Variants in POLN observed in about 807,000 individuals in gnomAD.
The protein encoded by POLN is DNA polymerase N.
In POLN, 108 loss-of-function variants were observed where a neutral mutation model predicts 113.5. The ratio of observed to expected loss-of-function variants is 0.95; its 90% CI spans 0.81 to 1.12. The LOEUF is 1.12. Among genes scored for constraint, POLN ranks in the 50% most tolerant of loss-of-function variants. The pLI is 0.00. For synonymous variants in POLN, 386 were observed against 391.5 expected (o/e 0.99, Z 0.17); for missense variants, 1,097 against 1,077.1 (o/e 1.02, Z -0.26).
intron 16 of POLN, among the ~76,000 whole-genome samples, chr4:2,138,364 G>A (rs112746437): frequency 0.054 from 8,161 of 152,286 alleles, 259 homozygotes; most frequent in Middle Eastern, 0.24. Context: ...GATTGGAGCT[G>A]TGGAGCTGGG....
intron 21 of POLN, among the ~76,000 whole-genome samples, chr4:2,084,394 C>T (rs565752048): frequency 7.2e-5 from 11 of 152,336 alleles, no homozygotes; most frequent in Admixed American, 3.3e-4. Flanking sequence ...GCCTCTGCTG[C>T]GGCTCTGTTC....
At chr4:2,147,554 G>A (rs889508051) in intron 16 of POLN, among the ~76,000 whole-genome samples, 9 of 151,552 alleles carry the variant, frequency 5.9e-5, no homozygotes, top group Admixed American at 2.0e-4. Flanking sequence ...CTGTCAACAG[G>A]CCATAATACT....
At chr4:2,236,396 G>C in intron 2 of POLN, 1 of 1,613,648 alleles carries the variant, frequency 6.2e-7, no homozygotes, top group Non-Finnish European at 8.5e-7. Context: ...CTTCCTCAAG[G>C]TTTCCATGAG....
chr4:2,074,217 TG>T lies in POLN; in HGVS notation c.2456-1189del, dbSNP rs546824571. ...TGGCACTCAGCTGGAGCGCTCCCTG[TG>T]GGGCCCTCGGGAGGGCAGGCAGGGC... On this transcript the variant is annotated intron_variant, in intron 24 of 25. Transcript: ENST00000511885. Among the ~76,000 whole-genome samples the T allele has an allele frequency of 1.9e-3, 288 of 152,264 alleles. 3 individuals are homozygous for T. Among genetic ancestry groups the T allele is most frequent in the African/African-American group, 6.4e-3 (266 of 41,568 alleles).
chr4:2,097,537 G>A (rs1398610590), intron 19 of POLN, among the ~76,000 whole-genome samples: 3 of 152,066 alleles, frequency 2.0e-5, no homozygotes, highest in Non-Finnish European at 4.4e-5. Context: ...TTTTAGTAGA[G>A]ACAGGTTTTA....
intron 23 of POLN, among the ~76,000 whole-genome samples, chr4:2,077,693 ACTT>A (rs956825073): frequency 6.6e-6 from 1 of 152,230 alleles, no homozygotes; most frequent in African/African-American, 2.4e-5. Flanking sequence ...CAGTTTTCAC[ACTT>A]CTTGAAATTA....
At chr4:2,206,469 G>C (rs1009307190) in intron 5 of POLN, among the ~76,000 whole-genome samples, 1 of 152,210 alleles carries the variant, frequency 6.6e-6, no homozygotes, top group Non-Finnish European at 1.5e-5. Context: ...ACAACCCACA[G>C]GGTGGGAGAA....
chr4:2,103,535 T>C (rs1009668640), intron 19 of POLN, among the ~76,000 whole-genome samples: 1 of 152,216 alleles, frequency 6.6e-6, no homozygotes, highest in Admixed American at 6.5e-5. Context: ...AGAAAACCTA[T>C]TTAATAAAAT....
intron 15 of POLN, among the ~76,000 whole-genome samples, 164 bp from the exon 16 acceptor site, chr4:2,157,017 ACTC>A (rs990657536): frequency 1.2e-4 from 18 of 152,294 alleles, no homozygotes; most frequent in African/African-American, 4.1e-4. Flanking sequence ...GGGTTACAAA[ACTC>A]CTGACACGTG....
rs369451459 is a variant in POLN at position 2,229,080 on chromosome 4, G to T, written c.133+19C>A. ...ATTCAAAGTATCAAGAGAAAGAAAG[G>T]TTCATAAAAATTACTTACTCTCTGT... is the stretch of plus-strand genomic sequence containing the variant. On this transcript the variant is annotated intron_variant, in intron 3 of 25. Coordinates refer to ENST00000511885, the MANE Select transcript of POLN (RefSeq NM_181808.4). 1.7e-5 allele frequency: 27 copies of T among 1,562,548 alleles called. No homozygotes were observed. In the African/African-American group the frequency reaches 3.6e-4, roughly 21 times the overall value.
chr4:2,110,868 G>T (rs1403566407), intron 19 of POLN, among the ~76,000 whole-genome samples: 13 of 152,212 alleles, frequency 8.5e-5, no homozygotes, highest in Non-Finnish European at 1.5e-5. Flanking sequence ...GAAAAAGAGG[G>T]AATCCTCCCT....
At chr4:2,112,760 C>A (rs1174688453) in intron 19 of POLN, among the ~76,000 whole-genome samples, 14 of 152,172 alleles carry the variant, frequency 9.2e-5, no homozygotes, top group Admixed American at 2.0e-4. Context: ...GGATGTGGAG[C>A]AATAGGAACA....
rs1732754271 is a variant in POLN at position 2,167,348 on chromosome 4, A to AT, written c.1554+3330_1554+3331insA. ...CATGTGACTTCACTGCAGAAAAAAAACACCAAAGCTTCCTTCAGTTCGTTA... is the reference window on the plus strand; with the variant it reads ...CATGTGACTTCACTGCAGAAAAAAAATCACCAAAGCTTCCTTCAGTTCGTTA... On this transcript the variant is annotated intron_variant, in intron 13 of 25. Coordinates refer to ENST00000511885, the MANE Select transcript of POLN (RefSeq NM_181808.4). Among the ~76,000 whole-genome samples the AT allele has an allele frequency of 2.6e-5, 4 of 152,286 alleles. No homozygotes were observed. The South Asian group carries it at 8.3e-4, about 32-fold the overall frequency.
chr4:2,109,639 TTTATC>T (rs1299404489), intron 19 of POLN, among the ~76,000 whole-genome samples: 2 of 152,212 alleles, frequency 1.3e-5, no homozygotes, highest in Admixed American at 6.5e-5. Flanking sequence ...AATGTCCCTT[TTTATC>T]CAGCAACATT....
chr4:2,196,851 C>A (rs1733588454), intron 6 of POLN, among the ~76,000 whole-genome samples: 1 of 152,118 alleles, frequency 6.6e-6, no homozygotes, highest in African/African-American at 2.4e-5. Context: ...CAGAGAAAAA[C>A]ATAAAGGAAT....
At position 2,208,256 on chromosome 4, in the gene POLN, T is replaced by C. The variant is rs973306913; in HGVS notation, c.445A>G (p.Lys149Glu). 1.3e-6 allele frequency: 2 copies of C among 1,585,866 alleles called. No individual in the cohort carries two copies. The highest frequency in any genetic ancestry group is 2.7e-5 in the African/African-American group (2 of 73,830). Reference sequence around the variant, plus strand: ...TTTCTTTTAAGATTAATGCTTCCTTTATTTTCATTATTTATATTCTCCATT... The same window carrying C: ...TTTCTTTTAAGATTAATGCTTCCTTCATTTTCATTATTTATATTCTCCATT... ...FLMENINNEN[K>E]GSINLKRKHI... The change falls in exon 5 of 26, where the codon AAA becomes GAA. Residue 149 changes from lysine (K) to glutamate (E), a missense_variant. Coordinates refer to ENST00000511885, the MANE Select transcript of POLN (RefSeq NM_181808.4).
intron 19 of POLN, among the ~76,000 whole-genome samples, chr4:2,124,930 A>G (rs1731541816): frequency 6.6e-6 from 1 of 152,158 alleles, no homozygotes. Flanking sequence ...AGCAAGAAAG[A>G]GCTGGCAGTG....
chr4:2,133,951 T>C (rs995201665), intron 16 of POLN, among the ~76,000 whole-genome samples: 2 of 152,230 alleles, frequency 1.3e-5, no homozygotes, highest in Non-Finnish European at 2.9e-5. Flanking sequence ...CATCATAGTA[T>C]CATACAAAAT....
chr4:2,235,503 A>C (rs931529934), intron 2 of POLN, among the ~76,000 whole-genome samples: 10 of 152,262 alleles, frequency 6.6e-5, no homozygotes, highest in African/African-American at 2.4e-4. Context: ...TCTAACAGAT[A>C]ATTTCATTGT....
Sources: allele counts gnomAD v4.1 joint callset (sites outside exome capture counted in the v4.1 genomes callset), GRCh38; gene constraint gnomAD v4.1.1; transcripts MANE v1.5; gene names NCBI Gene and HGNC (gene_info 2026-07-23, HGNC 2026-07-21).